The following SVEP1 variants were observed in gnomAD, a reference collection of about 807,000 sequenced individuals.
SVEP1 encodes sushi, von Willebrand factor type A, EGF and pentraxin domain containing 1, also known as sushi, von Willebrand factor type A, EGF and pentraxin domain-containing protein 1.
Under a neutral mutation model 367.3 loss-of-function variants are expected in SVEP1, and 164 were observed. That is an observed-to-expected ratio of 0.45 (90% CI 0.39 to 0.51). The LOEUF (loss-of-function observed/expected upper bound fraction) is 0.51, where lower values mean the gene tolerates loss of function less well. SVEP1 is among the 20% of genes least tolerant of loss of function. The pLI, the probability that SVEP1 is intolerant of heterozygous loss-of-function variation, is 0.00. For missense variants in SVEP1, 4,117 were observed against 4,425.3 expected, an observed-to-expected ratio of 0.93 and a Z score of 1.98; for synonymous variants, 1,666 against 1,611.6, an observed-to-expected ratio of 1.03 and a Z score of -0.81.
At chr9:110,451,443 C>T in intron 22 of SVEP1, 41 bp from the exon 23 acceptor site, 1 of 1,513,768 alleles carries the variant, frequency 6.6e-7, no homozygotes, top group Non-Finnish European at 9.1e-7. Flanking sequence ...GAAAACTTGA[C>T]AGAACTTTAA....
At position 110,408,002 on chromosome 9, in the gene SVEP1, G is replaced by A; in HGVS notation, c.7598C>T (p.Pro2533Leu). Residue 2533 changes from proline to leucine, a missense_variant, in exon 38 of 48, where the codon CCC becomes CTC. Pro to Leu is a moderately conservative substitution (Grantham distance 98, BLOSUM62 -3). Coordinates refer to ENST00000374469, the MANE Select transcript of SVEP1 (RefSeq NM_153366.4). ...SCNRGFRLEG[P>L]SALTCLETGD... is the part of the protein sequence containing the mutation. Reference sequence around the variant, plus strand: ...TGTCTCTAAACAGGTCAAGGCACTGGGACCTTCGAGCCGAAAGCCTCGGTT... The same window carrying A: ...TGTCTCTAAACAGGTCAAGGCACTGAGACCTTCGAGCCGAAAGCCTCGGTT... The A allele has an allele frequency of 6.2e-7, 1 of 1,614,000 alleles. No individual in the cohort carries two copies. Among genetic ancestry groups the A allele is most frequent in the Non-Finnish European group, 8.5e-7 (1 of 1,179,896 alleles).
At chr9:110,526,521 T>TGAC (rs1829941294) in intron 3 of SVEP1, among the ~76,000 whole-genome samples, 2 of 152,062 alleles carry the variant, frequency 1.3e-5, no homozygotes. Flanking sequence ...TGAAAAATAG[T>TGAC]GACGACACCA....
chr9:110,368,759 G>C (rs977090560), intron 47 of SVEP1, among the ~76,000 whole-genome samples: 11 of 152,000 alleles, frequency 7.2e-5, no homozygotes, highest in Non-Finnish European at 1.3e-4. Context: ...AATCTTGGCA[G>C]CTTCTAAATA....
chr9:110,452,350 G>A lies in SVEP1; in HGVS notation c.3788-948C>T, dbSNP rs148008624. Among the ~76,000 whole-genome samples, 945 of 152,196 alleles carry A rather than the reference G, an allele frequency of 6.2e-3. 9 individuals carry two copies. The highest frequency in any genetic ancestry group is 0.022 in the African/African-American group (897 of 41,532). On this transcript the variant is annotated intron_variant, in intron 22 of 47. Coordinates refer to ENST00000374469, the MANE Select transcript of SVEP1 (RefSeq NM_153366.4). ...TGGTTCTACTTTTCTCATAGTATGTGTCTGCCATTCTTGTCACAAGTTTTT... is the reference window on the plus strand; with the variant it reads ...TGGTTCTACTTTTCTCATAGTATGTATCTGCCATTCTTGTCACAAGTTTTT...
At chr9:110,425,507 C>G (rs1828240164) in intron 36 of SVEP1, among the ~76,000 whole-genome samples, 1 of 152,170 alleles carries the variant, frequency 6.6e-6, no homozygotes, top group Non-Finnish European at 1.5e-5. Context: ...GGCCCAACAC[C>G]TTCATGTCTT....
rs542707209 is a variant in SVEP1, at chr9:110,474,282, G to A, written c.2599+1922C>T. Among the ~76,000 whole-genome samples, 420 of 152,262 alleles carry A rather than the reference G, an allele frequency of 2.8e-3. 1 individual carries two copies. The highest frequency in any genetic ancestry group is 4.7e-3 in the Non-Finnish European group (322 of 68,012). On this transcript the variant is annotated intron_variant, in intron 14 of 47. Transcript: ENST00000374469. Reference sequence around the variant, plus strand: ...CCCAACGTGCTGGGATTACAGGTGTGAGCCATCTTGCCTGGCCTAGTTTTA... The same window carrying A: ...CCCAACGTGCTGGGATTACAGGTGTAAGCCATCTTGCCTGGCCTAGTTTTA...
chr9:110,525,614 C>A (rs901111414), intron 3 of SVEP1, among the ~76,000 whole-genome samples: 10 of 151,818 alleles, frequency 6.6e-5, no homozygotes, highest in Non-Finnish European at 1.3e-4. Flanking sequence ...TTAGCTAAGA[C>A]AATTATAAAG....
At position 110,406,206 on chromosome 9, in the gene SVEP1, C is replaced by T. The variant is rs368846022; in HGVS notation, c.9394G>A (p.Val3132Met). ...CGSPPSVANA[V>M]ATGEAHTYES... ...TAGGTGTGTGCCTCTCCAGTTGCCA[C>T]TGCATTGGCGACAGACGGTGGGGAC... is the stretch of plus-strand genomic sequence containing the variant. Residue 3132 changes from valine (V) to methionine (M), a missense_variant, in exon 38 of 48, where the codon GTG (valine) becomes ATG (methionine). Physicochemically the swap from Val to Met is conservative, Grantham distance 21. Transcript: ENST00000374469. 37 of 1,606,106 alleles carry T rather than the reference C, an allele frequency of 2.3e-5. No homozygotes were observed. The highest frequency in any genetic ancestry group is 1.7e-4 in the Middle Eastern group (1 of 6,048).
intron 18 of SVEP1, among the ~76,000 whole-genome samples, chr9:110,463,119 C>T (rs1303610968): frequency 6.6e-6 from 1 of 151,934 alleles, no homozygotes; most frequent in Non-Finnish European, 1.5e-5. Flanking sequence ...ACTTCCTGAG[C>T]CTCCTTTTAA....
chr9:110,568,998 C>T (rs1394041168), intron 1 of SVEP1, among the ~76,000 whole-genome samples: 1 of 150,538 alleles, frequency 6.6e-6, no homozygotes, highest in Non-Finnish European at 1.5e-5. Flanking sequence ...ACTTAGGAGG[C>T]TGAGGTAGGG....
In SVEP1 at chr9:110,432,544, G is replaced by A; in HGVS notation, c.5151C>T (p.Asn1717=). 6.2e-7 allele frequency: 1 copy of A among 1,613,926 alleles called. No homozygotes were observed. Among genetic ancestry groups the A allele is most frequent in the Non-Finnish European group, 8.5e-7 (1 of 1,179,824 alleles). The change falls in exon 31 of 48, where the codon AAC becomes AAT. Residue 1717 remains asparagine, a synonymous_variant. Transcript: ENST00000374469. ...YAGSTVTYQC[N]NGYYLLGDSR... ...AGTCACCCAATAGATAGTAGCCATTGTTGCACTGGTAGGTTACTGTGCTGC... is the reference window on the plus strand; with the variant it reads ...AGTCACCCAATAGATAGTAGCCATTATTGCACTGGTAGGTTACTGTGCTGC...
rs1379372396 is a variant in SVEP1, at chr9:110,579,602, C to T, written c.-59G>A. 3.4e-6 allele frequency: 5 copies of T among 1,474,274 alleles called. No individual in the cohort carries two copies. The highest frequency in any genetic ancestry group is 4.5e-6 in the Non-Finnish European group (5 of 1,119,870). The allele number at this position is 1,474,274 out of a possible 1,614,324, so 91.3% of individuals were successfully genotyped here. ...AGGCGGCGGCTCGGGCGGGAAGAGG[C>T]GCTGGGCGGCCGGACTCGCAGAGGG... On this transcript the variant is annotated 5_prime_UTR_variant, in exon 1 of 48. Transcript: ENST00000374469. This position sits in a 1 kb window ranked among gnomAD's most constrained non-coding sequence, Gnocchi z 5.3.
At chr9:110,382,430 G>C (rs527789561) in intron 43 of SVEP1, among the ~76,000 whole-genome samples, 5 of 152,330 alleles carry the variant, frequency 3.3e-5, no homozygotes, top group African/African-American at 4.8e-5. Flanking sequence ...CTGCAGAGAA[G>C]TTTGCTGTTA....
At chr9:110,393,956 G>A (rs1041262354) in intron 40 of SVEP1, among the ~76,000 whole-genome samples, 8 of 152,144 alleles carry the variant, frequency 5.3e-5, no homozygotes, top group South Asian at 2.1e-4. Flanking sequence ...ACAAAAAGAC[G>A]GCAGTAACTC....
intron 43 of SVEP1, among the ~76,000 whole-genome samples, chr9:110,381,786 G>T (rs1282461472): frequency 6.6e-6 from 1 of 152,128 alleles, no homozygotes; most frequent in East Asian, 1.9e-4. Context: ...TGACAGTGAG[G>T]TGTTAAAGTC....
Position 110,408,642 on chromosome 9 carries a change from G to A in SVEP1, c.6958C>T (p.Pro2320Ser). Reference sequence around the variant, plus strand: ...AGGGGCGGCTCTGGGCACTTGGCAGGCATGCACTTTGGATTTGACTTCTTA... The same window carrying A: ...AGGGGCGGCTCTGGGCACTTGGCAGACATGCACTTTGGATTTGACTTCTTA... ...WNKKSNPKCM[P>S]AKCPEPPLLE... The change falls in exon 38 of 48, where the codon CCT becomes TCT. Residue 2320 changes from proline (P) to serine (S), a missense_variant. Physicochemically the swap from Pro to Ser is moderately conservative, Grantham distance 74. Around this residue, in one of 4 missense-constraint regions of SVEP1, gnomAD observed 1,765 missense variants for 1,781.1 expected, o/e 0.99. Coordinates refer to ENST00000374469, the MANE Select transcript of SVEP1 (RefSeq NM_153366.4). 5 of 1,613,984 alleles carry A rather than the reference G, an allele frequency of 3.1e-6. No individual in the cohort carries two copies. Among genetic ancestry groups the A allele is most frequent in the South Asian group, 2.2e-5 (2 of 91,078 alleles).
intron 18 of SVEP1, among the ~76,000 whole-genome samples, chr9:110,463,243 G>A (rs1828886352): frequency 6.6e-6 from 1 of 151,820 alleles, no homozygotes; most frequent in Admixed American, 6.6e-5. Flanking sequence ...ACAAGTACCT[G>A]TCGAACTTAT....
intron 5 of SVEP1, among the ~76,000 whole-genome samples, chr9:110,511,040 C>T (rs376654534): frequency 1.3e-5 from 2 of 152,292 alleles, no homozygotes; most frequent in Admixed American, 1.3e-4. Context: ...GAATGGCCAA[C>T]AAAGGGGCCT....
At chr9:110,466,336 G>A (rs996238264) in intron 17 of SVEP1, among the ~76,000 whole-genome samples, 14 of 152,258 alleles carry the variant, frequency 9.2e-5, no homozygotes, top group South Asian at 4.2e-4. Context: ...ACTATGATAG[G>A]AACAAGTTGT....
Sources: gnomAD v4.1 joint callset for allele counts (sites outside exome capture counted in the v4.1 genomes callset) on GRCh38, gnomAD v4.1.1 for gene constraint, gnomAD v4.1.1 regional missense constraint, Gnocchi (gnomAD v3.1) non-coding constraint, MANE v1.5 for transcripts, NCBI Gene and HGNC (gene_info 2026-07-23, HGNC 2026-07-21) for gene names.